MTRR: variants seen among roughly 807,000 people sequenced by gnomAD.
MTRR encodes 5-methyltetrahydrofolate-homocysteine methyltransferase reductase.
MTRR carries 63 observed loss-of-function variants against 79.2 expected under a neutral mutation model. The ratio of observed to expected loss-of-function variants is 0.80; its 90% CI spans 0.65 to 0.98. MTRR has a LOEUF of 0.98. MTRR is among the 50% of genes least tolerant of loss of function. The pLI, the probability that MTRR is intolerant of heterozygous loss-of-function variation, is 0.00. For missense variants in MTRR, 895 were observed against 839.6 expected (o/e 1.07, Z -0.82); for synonymous variants, 355 against 313.3 (o/e 1.13, Z -1.41).
At position 7,869,259 on chromosome 5, in the gene MTRR, C is replaced by T. The variant is rs538496343; in HGVS notation, c.-26+44C>T. On this transcript the variant is annotated intron_variant, in intron 1 of 14. Coordinates refer to ENST00000440940, the MANE Select transcript of MTRR (RefSeq NM_002454.3). Reference sequence around the variant, plus strand: ...ACGGTTCCCGGATTCCGGCCGCTCGCCCTGCACTAATCTCCTGGGAGAGGC... The same window carrying T: ...ACGGTTCCCGGATTCCGGCCGCTCGTCCTGCACTAATCTCCTGGGAGAGGC... 6.3e-5 allele frequency: 100 copies of T among 1,596,954 alleles called. No individual in the cohort carries two copies. The South Asian group carries it at 1.1e-3, about 17-fold the overall frequency.
chr5:7,871,076 C>CA (rs1268916493), intron 2 of MTRR, among the ~76,000 whole-genome samples, 153 bp downstream of exon 2: 2 of 152,132 alleles, frequency 1.3e-5, no homozygotes, highest in African/African-American at 4.8e-5. Context: ...AAGATATCAC[C>CA]AGCATTTTTT....
intron 2 of MTRR, among the ~76,000 whole-genome samples, chr5:7,862,529 A>G (rs1489230338): frequency 6.6e-6 from 1 of 152,112 alleles, no homozygotes; most frequent in Non-Finnish European, 1.5e-5. Flanking sequence ...TTTTATTTAG[A>G]CCTTAAGTAA....
Position 7,870,786 on chromosome 5 carries a change from C to T in MTRR, c.-9C>T, listed in dbSNP as rs2126643522. 6.2e-7 allele frequency: 1 copy of T among 1,614,096 alleles called. No individual in the cohort carries two copies. On this transcript the variant is annotated 5_prime_UTR_variant, in exon 2 of 15. Coordinates refer to ENST00000440940, the MANE Select transcript of MTRR (RefSeq NM_002454.3). Reference sequence around the variant, plus strand: ...ATTTTTCAGTTTCACTGTTACATGCCTTGAAGTGATGAGGAGGTTTCTGTT... The same window carrying T: ...ATTTTTCAGTTTCACTGTTACATGCTTTGAAGTGATGAGGAGGTTTCTGTT...
upstream of MTRR, among the ~76,000 whole-genome samples, chr5:7,868,796 G>T (rs1245236244): frequency 6.6e-6 from 1 of 152,234 alleles, no homozygotes; most frequent in African/African-American, 2.4e-5. Context: ...ACAGACAGAC[G>T]GGAGGCCCCG....
chr5:7,876,109 T>C (rs905936604), intron 4 of MTRR, among the ~76,000 whole-genome samples: 4 of 152,242 alleles, frequency 2.6e-5, no homozygotes, highest in Non-Finnish European at 4.4e-5. Context: ...TGTTACTGAA[T>C]AATCTGTTTA....
chr5:7,886,906 A>G (rs1356970936), intron 8 of MTRR, among the ~76,000 whole-genome samples: 1 of 152,232 alleles, frequency 6.6e-6, no homozygotes, highest in East Asian at 1.9e-4. Context: ...TTGCATTTAA[A>G]TTTTTGTTTT....
At chr5:7,899,791 G>C (rs1359177727) in intron 14 of MTRR, 123 bp from the exon 15 acceptor site, 1 of 1,290,596 alleles carries the variant, frequency 7.7e-7, no homozygotes, top group Admixed American at 1.7e-5. Flanking sequence ...TGTGTGAGAT[G>C]TTCTGAGAAG....
intron 11 of MTRR, 175 bp downstream of exon 11, chr5:7,893,088 TTAAC>T (rs1737907048): frequency 1.6e-5 from 11 of 696,040 alleles, no homozygotes; most frequent in Admixed American, 1.3e-4. Flanking sequence ...CATGTACTCT[TTAAC>T]TAGTGTGTGT....
At chr5:7,860,812 A>C (rs905861449) in intron 1 of MTRR, among the ~76,000 whole-genome samples, 1 of 152,228 alleles carries the variant, frequency 6.6e-6, no homozygotes. Context: ...TCTACTACAG[A>C]AAAACAGAAC....
At chr5:7,894,614 A>G (rs1228032185) in intron 11 of MTRR, among the ~76,000 whole-genome samples, 1 of 152,246 alleles carries the variant, frequency 6.6e-6, no homozygotes, top group East Asian at 1.9e-4. Flanking sequence ...GATCGTGGTC[A>G]AAGGTCTCAT....
chr5:7,875,306 T>C lies in MTRR; in HGVS notation c.332T>C (p.Ile111Thr), dbSNP rs1579633706. The change falls in exon 4 of 15, where the codon ATT becomes ACT. Residue 111 changes from isoleucine to threonine, a missense_variant. Coordinates refer to ENST00000440940, the MANE Select transcript of MTRR (RefSeq NM_002454.3). ...YTYFCNGGKI[I>T]DKRLQELGAR... The stretch of plus-strand genomic sequence containing the variant: ...TACTTTTGCAATGGGGGGAAGATAA[T>C]TGATAAACGACTTCAAGAGCTTGGA... The C allele has an allele frequency of 6.2e-7, 1 of 1,614,106 alleles. No individual in the cohort carries two copies. Among genetic ancestry groups the C allele is most frequent in the East Asian group, 2.2e-5 (1 of 44,864 alleles).
intron 14 of MTRR, among the ~76,000 whole-genome samples, chr5:7,898,224 G>A (rs759066655): frequency 1.2e-4 from 18 of 152,008 alleles, no homozygotes; most frequent in Non-Finnish European, 2.4e-4. Context: ...TTTTAATGAA[G>A]TATTTAATCT....
At chr5:7,861,861 A>G in intron 1 of MTRR, 2 of 1,113,378 alleles carry the variant, frequency 1.8e-6, no homozygotes, top group Non-Finnish European at 2.4e-6. Context: ...AAATTAAGAA[A>G]GCTCAATAAC....
At chr5:7,897,708 C>T (rs1479581401) in intron 14 of MTRR, among the ~76,000 whole-genome samples, 1 of 152,166 alleles carries the variant, frequency 6.6e-6, no homozygotes, top group Non-Finnish European at 1.5e-5. Flanking sequence ...AAAGTTGAAA[C>T]GTTCTGTGTT....
chr5:7,869,178 C>A lies in MTRR; in HGVS notation c.-63C>A, dbSNP rs372674593. On this transcript the variant is annotated 5_prime_UTR_variant, in exon 1 of 15. Transcript: ENST00000440940. ...GCGCTGGCGCAAGGTTGGTGGAAGT[C>A]GCGTTGTGCAGGTTCGTGCCCGGCT... The A allele has an allele frequency of 6.2e-7, 1 of 1,611,860 alleles. No individual in the cohort carries two copies. The highest frequency in any genetic ancestry group is 2.2e-5 in the East Asian group (1 of 44,858).
chr5:7,883,960 C>T (rs1309404328), intron 6 of MTRR, among the ~76,000 whole-genome samples: 6 of 152,136 alleles, frequency 3.9e-5, no homozygotes, highest in Admixed American at 3.3e-4. Flanking sequence ...TCACTTGAAC[C>T]CAGGAGTTCC....
At chr5:7,896,654 G>C (rs537130101) in intron 12 of MTRR, 1 of 606,608 alleles carries the variant, frequency 1.6e-6, no homozygotes, top group South Asian at 2.0e-5. Context: ...GGATGTAGCT[G>C]CCTCTCCACA....
At position 7,895,909 on chromosome 5, in the gene MTRR, C is replaced by T. The variant is rs162052; in HGVS notation, c.1676+57C>T. The T allele has an allele frequency of 0.018, 28,607 of 1,606,840 alleles. 358 individuals are homozygous for T. The highest frequency in any genetic ancestry group is 0.05 in the African/African-American group (3,763 of 74,652). On this transcript the variant is annotated intron_variant, in intron 12 of 14. Coordinates refer to ENST00000440940, the MANE Select transcript of MTRR (RefSeq NM_002454.3). ...TATTCCTGAGTAACCGTTTTTGTTT[C>T]TTTAGTCATTTTGAGGATAATTGGA...
chr5:7,854,885 T>C (rs551593282), intron 1 of MTRR, among the ~76,000 whole-genome samples: 2 of 152,336 alleles, frequency 1.3e-5, no homozygotes, highest in Admixed American at 1.3e-4. Flanking sequence ...GCTGGGAGGC[T>C]AAGCCAGTCT....
Sources: allele counts gnomAD v4.1 joint callset (sites outside exome capture counted in the v4.1 genomes callset), GRCh38; gene constraint gnomAD v4.1.1; transcripts MANE v1.5; gene names NCBI Gene and HGNC (gene_info 2026-07-23, HGNC 2026-07-21).